RARB: variants seen among roughly 807,000 people sequenced by gnomAD.
RARB encodes retinoic acid receptor beta, also known as HBV-activated protein.
A neutral mutation model predicts 51.9 loss-of-function variants in RARB; 17 were observed. The ratio of observed to expected loss-of-function variants is 0.33; its 90% CI spans 0.22 to 0.49. RARB has a LOEUF of 0.49. RARB is among the 20% of genes least tolerant of loss of function. RARB has a pLI of 0.99. For missense variants in RARB, 369 were observed against 550.8 expected, an observed-to-expected ratio of 0.67 and a Z score of 3.30; for synonymous variants, 215 against 195.4, an observed-to-expected ratio of 1.10 and a Z score of -0.84.
rs773846113 is a variant in RARB at position 25,210,529 on chromosome 3, C to CTTTTTT, written c.178+35973_178+35978dup. 9.1e-4 allele frequency among the ~76,000 whole-genome samples: 25 copies of CTTTTTT among 27,620 alleles called. 1 individual carries two copies. The highest frequency in any genetic ancestry group is 3.3e-3 in the South Asian group (2 of 606). The allele number at this position is 27,620 out of a possible 152,430, so 18.1% of individuals were successfully genotyped here. The stretch of plus-strand genomic sequence containing the variant: ...GAAAGCCTGAAATCTTTATCTGATT[C>CTTTTTT]TTTTTTTTTTTTTTTTTTTTTTTTG... On this transcript the variant is annotated intron_variant, in intron 5 of 11. Transcript: ENST00000383772.
intron 5 of RARB, among the ~76,000 whole-genome samples, chr3:25,236,411 A>G (rs1409475339): frequency 2.0e-5 from 3 of 152,144 alleles, no homozygotes; most frequent in Non-Finnish European, 2.9e-5. Flanking sequence ...GTAGCCACAT[A>G]TTCACTCTGC....
chr3:25,204,842 G>A lies in RARB; in HGVS notation c.178+30267G>A, dbSNP rs145297092. On this transcript the variant is annotated intron_variant, in intron 5 of 11. Transcript: ENST00000383772. ...ACGTGTCAGTCTGCCCCTACTTGGG[G>A]GTGCCTGCCAGTTAGGCTACTCGGG... Among the ~76,000 whole-genome samples the A allele has an allele frequency of 4.2e-3, 646 of 152,318 alleles. 3 individuals are homozygous for A. Among genetic ancestry groups the A allele is most frequent in the African/African-American group, 0.015 (616 of 41,562 alleles).
chr3:25,430,129 A>C (rs1708144752), intron 1 of RARB, among the ~76,000 whole-genome samples: 1 of 152,214 alleles, frequency 6.6e-6, no homozygotes, highest in African/African-American at 2.4e-5. Context: ...AAAAATCAAT[A>C]ACCATTTGAT....
chr3:25,327,957 A>G (rs938660571), intron 5 of RARB, among the ~76,000 whole-genome samples: 4 of 152,234 alleles, frequency 2.6e-5, no homozygotes, highest in Non-Finnish European at 5.9e-5. Context: ...GAAATAAAAC[A>G]AAGTACACTA....
intron 3 of RARB, among the ~76,000 whole-genome samples, chr3:25,546,782 T>C (rs1699637109): frequency 6.6e-6 from 1 of 152,204 alleles, no homozygotes. Context: ...AGAAATGTCT[T>C]ACTAATATTT....
chr3:24,877,547 A>G (rs992368197), intron 2 of RARB, among the ~76,000 whole-genome samples: 1 of 152,038 alleles, frequency 6.6e-6, no homozygotes, highest in Non-Finnish European at 1.5e-5. Context: ...TCTAAAGATG[A>G]TGGTTCAACA....
At chr3:25,153,132 C>T (rs1016460180) in intron 4 of RARB, among the ~76,000 whole-genome samples, 6 of 102,938 alleles carry the variant, frequency 5.8e-5, no homozygotes, top group Non-Finnish European at 1.0e-4. Context: ...GTAATAGAGG[C>T]AGAGTGTGTG....
chr3:25,492,963 C>A, intron 2 of RARB, among the ~76,000 whole-genome samples: 1 of 151,824 alleles, frequency 6.6e-6, no homozygotes, highest in Non-Finnish European at 1.5e-5. Context: ...GGGACCATGT[C>A]CTGATGGGGA....
At chr3:25,462,732 T>C (rs1254238435) in intron 2 of RARB, among the ~76,000 whole-genome samples, 1 of 152,166 alleles carries the variant, frequency 6.6e-6, no homozygotes, top group Non-Finnish European at 1.5e-5. Context: ...CTCTGGGCAG[T>C]TGTAGGTTAG....
At chr3:25,224,579 T>A (rs1199643917) in intron 5 of RARB, among the ~76,000 whole-genome samples, 1 of 152,170 alleles carries the variant, frequency 6.6e-6, no homozygotes, top group African/African-American at 2.4e-5. Flanking sequence ...GGTGTTCAGG[T>A]AAGCTCACCT....
chr3:25,393,347 T>G (rs1373558253), intron 5 of RARB, among the ~76,000 whole-genome samples: 1 of 152,086 alleles, frequency 6.6e-6, no homozygotes, highest in Non-Finnish European at 1.5e-5. Flanking sequence ...GATATTGGTC[T>G]GTAGTTTTTT....
chr3:25,530,664 G>A (rs1360589054), intron 3 of RARB, among the ~76,000 whole-genome samples: 1 of 152,166 alleles, frequency 6.6e-6, no homozygotes, highest in African/African-American at 2.4e-5. Context: ...TGTAATTACA[G>A]CAGGCCCACC....
intron 5 of RARB, among the ~76,000 whole-genome samples, chr3:25,281,309 G>A (rs1438957881): frequency 6.6e-6 from 1 of 152,172 alleles, no homozygotes; most frequent in Non-Finnish European, 1.5e-5. Context: ...TAACTTTGTA[G>A]ACTTTCATTC....
At chr3:25,479,700 C>T (rs1189130067) in intron 2 of RARB, among the ~76,000 whole-genome samples, 1 of 152,160 alleles carries the variant, frequency 6.6e-6, no homozygotes, top group Non-Finnish European at 1.5e-5. Flanking sequence ...CATTTCATTA[C>T]CACCTACCAA....
At chr3:25,340,431 G>C (rs1478864478) in intron 5 of RARB, among the ~76,000 whole-genome samples, 1 of 152,140 alleles carries the variant, frequency 6.6e-6, no homozygotes, top group South Asian at 2.1e-4. Flanking sequence ...GTTCACAAGT[G>C]ATGAGCCACC....
chr3:25,382,333 G>A (rs548024506), intron 5 of RARB, among the ~76,000 whole-genome samples: 5 of 152,318 alleles, frequency 3.3e-5, no homozygotes, highest in Admixed American at 2.0e-4. Context: ...TTTGAGGCAT[G>A]TTTACAAACT....
intron 3 of RARB, among the ~76,000 whole-genome samples, chr3:25,094,401 TA>T: frequency 6.6e-6 from 1 of 152,226 alleles, no homozygotes; most frequent in South Asian, 2.1e-4. Context: ...ATGAAGAAGG[TA>T]ATATCATTCT....
At chr3:25,034,014 A>G (rs1697931709) in intron 2 of RARB, among the ~76,000 whole-genome samples, 1 of 152,194 alleles carries the variant, frequency 6.6e-6, no homozygotes, top group Non-Finnish European at 1.5e-5. Context: ...CTTAAGCCGT[A>G]GGATCTAGTC....
At chr3:25,314,856 C>T (rs1238309868) in intron 5 of RARB, among the ~76,000 whole-genome samples, 1 of 152,132 alleles carries the variant, frequency 6.6e-6, no homozygotes, top group East Asian at 1.9e-4. Flanking sequence ...CTCCTCCCCT[C>T]TCTTGTAGTC....
Sources: allele counts gnomAD v4.1 joint callset (sites outside exome capture counted in the v4.1 genomes callset), GRCh38; gene constraint gnomAD v4.1.1; transcripts MANE v1.5; gene names NCBI Gene and HGNC (gene_info 2026-07-23, HGNC 2026-07-21).